OLFM3: variants seen among roughly 807,000 people sequenced by gnomAD.
The protein encoded by OLFM3 is noelin-3.
A neutral mutation model predicts 48.6 loss-of-function variants in OLFM3; 20 were observed. The observed-to-expected ratio is 0.41, with a 90% CI of 0.29 to 0.60. The LOEUF (loss-of-function observed/expected upper bound fraction) is 0.60. Ranked by LOEUF, OLFM3 falls within the 20% of genes least tolerant of loss-of-function variation. OLFM3 has a pLI of 0.28. For missense variants in OLFM3, 437 were observed against 544.3 expected, an observed-to-expected ratio of 0.80 and a Z score of 1.96; for synonymous variants, 222 against 198.1, an observed-to-expected ratio of 1.12 and a Z score of -1.01.
intron 1 of OLFM3, among the ~76,000 whole-genome samples, chr1:101,879,942 AT>A (rs1028596278): frequency 2.7e-4 from 41 of 151,982 alleles, no homozygotes; most frequent in African/African-American, 9.9e-4. Context: ...TCTTTCCTCC[AT>A]CTCCTAAAAT....
intron 1 of OLFM3, among the ~76,000 whole-genome samples, chr1:101,926,395 T>C (rs1302356539): frequency 6.6e-6 from 1 of 152,176 alleles, no homozygotes; most frequent in African/African-American, 2.4e-5. Flanking sequence ...CATTTCTACT[T>C]ATCTAGGCTG....
At chr1:101,815,818 T>C (rs1434859814) in intron 4 of OLFM3, among the ~76,000 whole-genome samples, 2 of 152,174 alleles carry the variant, frequency 1.3e-5, no homozygotes, top group African/African-American at 4.8e-5. Flanking sequence ...AGATACTCCT[T>C]TGAGTTTTGA....
At chr1:101,957,135 A>G (rs1660321941) in intron 1 of OLFM3, among the ~76,000 whole-genome samples, 1 of 151,976 alleles carries the variant, frequency 6.6e-6, no homozygotes, top group African/African-American at 2.4e-5. Context: ...TTCAATGTTC[A>G]TTGAGAGGCC....
intron 1 of OLFM3, among the ~76,000 whole-genome samples, chr1:101,932,093 C>T (rs1217330158): frequency 6.6e-6 from 1 of 151,962 alleles, no homozygotes; most frequent in African/African-American, 2.4e-5. Context: ...TGATTTTTTC[C>T]CCCTGCTATA....
intron 1 of OLFM3, among the ~76,000 whole-genome samples, chr1:101,907,131 G>A (rs1658580479): frequency 6.6e-6 from 1 of 152,028 alleles, no homozygotes; most frequent in Admixed American, 6.5e-5. Context: ...CATTACAATA[G>A]CAATGAAAGA....
chr1:101,976,132 A>T (rs1156236963), intron 1 of OLFM3, among the ~76,000 whole-genome samples: 1 of 152,210 alleles, frequency 6.6e-6, no homozygotes, highest in Non-Finnish European at 1.5e-5. Flanking sequence ...GTCAATTTGC[A>T]ATTGGTGATG....
In OLFM3 at chr1:101,850,269, C is replaced by T. The variant is rs540061835; in HGVS notation, c.70-13244G>A. Among the ~76,000 whole-genome samples the T allele has an allele frequency of 2.6e-5, 4 of 152,198 alleles. No individual in the cohort carries two copies. In the South Asian group the frequency reaches 8.3e-4, roughly 32 times the overall value. On this transcript the variant is annotated intron_variant, in intron 1 of 5. Coordinates refer to ENST00000370103, the MANE Select transcript of OLFM3 (RefSeq NM_058170.4). ...AGTGGATCAATAACTATATAACCTACAATTGTGCATTATTGCTCATGGAAT... is the reference window on the plus strand; with the variant it reads ...AGTGGATCAATAACTATATAACCTATAATTGTGCATTATTGCTCATGGAAT...
At chr1:101,846,764 C>G (rs1297804755) in intron 1 of OLFM3, 1 of 1,033,670 alleles carries the variant, frequency 9.7e-7, no homozygotes, top group South Asian at 1.4e-5. Flanking sequence ...GAAGCAAAAT[C>G]TTAGCCTTTG....
At chr1:101,831,988 C>A in intron 2 of OLFM3, among the ~76,000 whole-genome samples, 1 of 152,098 alleles carries the variant, frequency 6.6e-6, no homozygotes, top group Admixed American at 6.5e-5. Flanking sequence ...CCACAACCTC[C>A]GCCTCCTGGG....
intron 1 of OLFM3, among the ~76,000 whole-genome samples, chr1:101,875,047 G>T (rs746948347): frequency 5.7e-4 from 87 of 151,888 alleles, no homozygotes; most frequent in Admixed American, 9.9e-4. Context: ...TGACCTCATA[G>T]TCCTGGCTAA....
chr1:101,840,603 T>A (rs1365902456), intron 1 of OLFM3, among the ~76,000 whole-genome samples: 1 of 152,070 alleles, frequency 6.6e-6, no homozygotes, highest in Non-Finnish European at 1.5e-5. Context: ...CCTGAGTAGC[T>A]GAGACTGTAG....
chr1:101,936,244 C>A (rs56747824), intron 1 of OLFM3, among the ~76,000 whole-genome samples: 4 of 152,048 alleles, frequency 2.6e-5, no homozygotes, highest in African/African-American at 9.7e-5. Context: ...CAAGCTCCTA[C>A]GTCTGACAAA....
At chr1:101,878,203 A>G (rs750369057) in intron 1 of OLFM3, among the ~76,000 whole-genome samples, 8 of 151,802 alleles carry the variant, frequency 5.3e-5, no homozygotes, top group Non-Finnish European at 1.0e-4. Context: ...TGTGGGTACT[A>G]TTTTTTTAAT....
At position 101,924,715 on chromosome 1, in the gene OLFM3, G is replaced by A. The variant is rs180760152; in HGVS notation, c.69+72033C>T. On this transcript the variant is annotated intron_variant, in intron 1 of 5. Coordinates refer to ENST00000370103, the MANE Select transcript of OLFM3 (RefSeq NM_058170.4). ...GTCTCTCAATTTAATTCCCATAATG[G>A]TTAATTTTAAATTCTTTTATTTATT... Among the ~76,000 whole-genome samples the A allele has an allele frequency of 3.3e-3, 499 of 152,160 alleles. 1 individual carries two copies. The highest frequency in any genetic ancestry group is 0.011 in the African/African-American group (475 of 41,512).
chr1:101,925,979 G>A (rs538789508), intron 1 of OLFM3, among the ~76,000 whole-genome samples: 116 of 152,256 alleles, frequency 7.6e-4, no homozygotes, highest in African/African-American at 2.5e-3. Flanking sequence ...TTTTTAAGAT[G>A]AGAACTCTGA....
chr1:101,990,868 C>G (rs1361471275), intron 1 of OLFM3, among the ~76,000 whole-genome samples: 1 of 150,066 alleles, frequency 6.7e-6, no homozygotes, highest in Non-Finnish European at 1.5e-5. Flanking sequence ...CCTGTGGTCC[C>G]AAGATGCTCA....
intron 1 of OLFM3, among the ~76,000 whole-genome samples, chr1:101,948,510 AT>A (rs1307543199): frequency 6.6e-6 from 1 of 151,590 alleles, no homozygotes; most frequent in Admixed American, 6.6e-5. Flanking sequence ...TGTTTAGGTA[AT>A]TTTTTTTGCC....
intron 4 of OLFM3, among the ~76,000 whole-genome samples, chr1:101,812,191 G>A (rs370397685): frequency 6.7e-6 from 1 of 150,214 alleles, no homozygotes; most frequent in Non-Finnish European, 1.5e-5. Flanking sequence ...TTCATGGGGT[G>A]GGGGGAGTGG....
At chr1:101,926,288 T>C (rs1659268623) in intron 1 of OLFM3, among the ~76,000 whole-genome samples, 2 of 152,196 alleles carry the variant, frequency 1.3e-5, no homozygotes, top group African/African-American at 4.8e-5. Flanking sequence ...GGGATGATGA[T>C]ATTGAATCTA....
Sources: allele counts gnomAD v4.1 joint callset (sites outside exome capture counted in the v4.1 genomes callset), GRCh38; gene constraint gnomAD v4.1.1; transcripts MANE v1.5; gene names NCBI Gene and HGNC (gene_info 2026-07-23, HGNC 2026-07-21).